TTC28: variants seen among roughly 807,000 people sequenced by gnomAD.
The protein encoded by TTC28 is tetratricopeptide repeat domain 28.
A neutral mutation model predicts 198.0 loss-of-function variants in TTC28; 61 were observed. The ratio of observed to expected loss-of-function variants is 0.31; its 90% confidence interval spans 0.25 to 0.38. The LOEUF is 0.38. TTC28 is among the 10% of genes least tolerant of loss of function. TTC28 has a pLI of 1.00. For missense variants in TTC28, 2,678 were observed against 3,164.0 expected, an observed-to-expected ratio of 0.85 and a Z score of 3.69; for synonymous variants, 1,171 against 1,297.8, an observed-to-expected ratio of 0.90 and a Z score of 2.10.
At chr22:28,165,940 C>T (rs1371956643) in intron 5 of TTC28, among the ~76,000 whole-genome samples, 1 of 152,124 alleles carries the variant, frequency 6.6e-6, no homozygotes. Flanking sequence ...ACCCATCTCA[C>T]ATGCAGAGAC....
chr22:28,537,294 A>AACATAATATAAATT (rs1569008943), intron 2 of TTC28, among the ~76,000 whole-genome samples: 9 of 74,558 alleles, frequency 1.2e-4, no homozygotes, highest in South Asian at 3.2e-4. Context: ...CTCCGTCTCA[A>AACATAATATAAATT]AAATAAAATA....
chr22:28,169,563 C>T (rs915366112), intron 5 of TTC28, among the ~76,000 whole-genome samples: 2 of 152,164 alleles, frequency 1.3e-5, no homozygotes, highest in African/African-American at 4.8e-5. Context: ...AGCAAACTAT[C>T]GCAAGGACAA....
At chr22:28,446,443 CA>C (rs2047702943) in intron 2 of TTC28, among the ~76,000 whole-genome samples, 2 of 152,152 alleles carry the variant, frequency 1.3e-5, no homozygotes, top group African/African-American at 4.8e-5. Flanking sequence ...TCCCCAATGT[CA>C]GAGGTGGGGC....
At chr22:28,036,257 C>T (rs973163853) in intron 12 of TTC28, among the ~76,000 whole-genome samples, 7 of 152,144 alleles carry the variant, frequency 4.6e-5, no homozygotes, top group Non-Finnish European at 1.0e-4. Flanking sequence ...TGATTTACTA[C>T]AAAATCGTTA....
At chr22:28,454,747 C>T (rs2047833280) in intron 2 of TTC28, among the ~76,000 whole-genome samples, 1 of 152,126 alleles carries the variant, frequency 6.6e-6, no homozygotes, top group African/African-American at 2.4e-5. Context: ...ATTTAACACA[C>T]TTTGAAATTT....
chr22:28,341,225 T>C (rs779933550), intron 2 of TTC28, among the ~76,000 whole-genome samples: 11 of 152,234 alleles, frequency 7.2e-5, no homozygotes, highest in Middle Eastern at 3.4e-3. Context: ...ATCAAAACAA[T>C]AGAGGAAGAA....
At chr22:28,428,589 T>C (rs2146195080) in intron 2 of TTC28, among the ~76,000 whole-genome samples, 1 of 149,820 alleles carries the variant, frequency 6.7e-6, no homozygotes, top group African/African-American at 2.4e-5. Context: ...TCCCCCAAGT[T>C]CTAACATTTC....
intron 8 of TTC28, 46 bp downstream of exon 8, chr22:28,105,233 T>G (rs752830175): frequency 5.2e-6 from 8 of 1,524,836 alleles, no homozygotes; most frequent in Non-Finnish European, 6.2e-6. Context: ...GACTCTGAAC[T>G]TGATTTCAAG....
intron 2 of TTC28, among the ~76,000 whole-genome samples, chr22:28,519,515 C>T (rs2048857695): frequency 1.3e-5 from 2 of 152,172 alleles, no homozygotes; most frequent in South Asian, 4.1e-4. Flanking sequence ...GGAGTTTGCA[C>T]AGAAATAACT....
At chr22:28,607,412 T>C (rs1490208367) in intron 2 of TTC28, among the ~76,000 whole-genome samples, 1 of 152,198 alleles carries the variant, frequency 6.6e-6, no homozygotes, top group Admixed American at 6.5e-5. Context: ...AAAGAAAGCA[T>C]CACTTTTTTA....
rs547933366 is a variant in TTC28, at chr22:28,506,210, T to A, written c.381+123342A>T. 2.7e-4 allele frequency among the ~76,000 whole-genome samples: 41 copies of A among 151,938 alleles called. 1 individual carries two copies. The Middle Eastern group carries it at 0.014, about 50-fold the overall frequency. ...CTCTGCAGTTCAGCAGACTCGGCCGTTCCAGCCTGCCAGCTTTGGAGAACA... is the reference window on the plus strand; with the variant it reads ...CTCTGCAGTTCAGCAGACTCGGCCGATCCAGCCTGCCAGCTTTGGAGAACA... On this transcript the variant is annotated intron_variant, in intron 2 of 22. Coordinates refer to ENST00000397906, the MANE Select transcript of TTC28 (RefSeq NM_001145418.2).
intron 12 of TTC28, among the ~76,000 whole-genome samples, chr22:28,074,652 T>A (rs1941107707): frequency 6.6e-6 from 1 of 152,196 alleles, no homozygotes; most frequent in Admixed American, 6.5e-5. Context: ...TTCCAAGCCC[T>A]CACGCTTGCC....
intron 2 of TTC28, among the ~76,000 whole-genome samples, chr22:28,387,000 A>AC (rs1023239537): frequency 7.1e-6 from 1 of 140,566 alleles, no homozygotes; most frequent in Non-Finnish European, 1.5e-5. Context: ...CCACTCCCCC[A>AC]CCCCCAAAAC....
At chr22:28,135,248 G>A (rs556514625) in intron 6 of TTC28, among the ~76,000 whole-genome samples, 54 of 152,202 alleles carry the variant, frequency 3.5e-4, no homozygotes, top group Non-Finnish European at 7.2e-4. Flanking sequence ...TCTGTTGAGG[G>A]AACTCAACAC....
chr22:28,410,549 T>TGA (rs1376690531), intron 2 of TTC28, among the ~76,000 whole-genome samples: 1 of 152,170 alleles, frequency 6.6e-6, no homozygotes, highest in African/African-American at 2.4e-5. Context: ...TGTATTCGTG[T>TGA]GAGAGAGAAG....
chr22:28,659,331 C>T (rs1178717596), intron 1 of TTC28, among the ~76,000 whole-genome samples: 4 of 151,918 alleles, frequency 2.6e-5, no homozygotes, highest in Non-Finnish European at 5.9e-5. Context: ...TGCAGTGGCA[C>T]GATCTTGGCT....
intron 1 of TTC28, among the ~76,000 whole-genome samples, chr22:28,657,165 C>G (rs2051672413): frequency 6.6e-6 from 1 of 152,104 alleles, no homozygotes; most frequent in African/African-American, 2.4e-5. Flanking sequence ...GACTTTTGCC[C>G]AAAGTCACAC....
intron 2 of TTC28, among the ~76,000 whole-genome samples, chr22:28,606,919 CA>C (rs1485866920): frequency 6.6e-6 from 1 of 152,144 alleles, no homozygotes; most frequent in Non-Finnish European, 1.5e-5. Flanking sequence ...GTAGCTACTC[CA>C]AAATGTCGCA....
At chr22:28,166,242 A>G (rs1052107202) in intron 5 of TTC28, among the ~76,000 whole-genome samples, 1 of 152,204 alleles carries the variant, frequency 6.6e-6, no homozygotes, top group South Asian at 2.1e-4. Flanking sequence ...TTTAAACCCC[A>G]CTGTCAACAT....
Sources: allele counts gnomAD v4.1 joint callset (sites outside exome capture counted in the v4.1 genomes callset), GRCh38; gene constraint gnomAD v4.1.1; transcripts MANE v1.5; gene names NCBI Gene and HGNC (gene_info 2026-07-23, HGNC 2026-07-21).